The following MRPL1 variants were observed in gnomAD, a reference collection of about 807,000 sequenced individuals.
MRPL1 encodes the protein large ribosomal subunit protein uL1m.
MRPL1 carries 28 observed loss-of-function variants against 38.0 expected under a neutral mutation model. The observed-to-expected ratio is 0.74, with a 90% confidence interval of 0.55 to 1.01. The LOEUF (loss-of-function observed/expected upper bound fraction) is 1.01. MRPL1 is among the 50% of genes least tolerant of loss of function. The probability of loss-of-function intolerance (pLI) is 0.00; values close to 1 mark genes in which losing one functional copy is unlikely to be tolerated. For synonymous variants in MRPL1, 123 were observed against 126.7 expected, an observed-to-expected ratio of 0.97 and a Z score of 0.20; for missense variants, 358 against 389.8, an observed-to-expected ratio of 0.92 and a Z score of 0.69.
At position 77,865,286 on chromosome 4, in the gene MRPL1, A is replaced by G. The variant is rs531078795; in HGVS notation, c.31+2407A>G. Among the ~76,000 whole-genome samples, 9 of 152,230 alleles carry G rather than the reference A, an allele frequency of 5.9e-5. No homozygotes were observed. In the South Asian group the frequency reaches 1.7e-3, roughly 28 times the overall value. ...TCTTATACTCATCTGAGTATTCTAC[A>G]TCTCCACTTTGATAGCATATCAGCA... On this transcript the variant is annotated intron_variant, in intron 1 of 8. Transcript: ENST00000315567.
At chr4:77,876,766 C>T (rs1735405096) in intron 2 of MRPL1, among the ~76,000 whole-genome samples, 1 of 152,180 alleles carries the variant, frequency 6.6e-6, no homozygotes, top group Non-Finnish European at 1.5e-5. Flanking sequence ...TGGCTCTCCC[C>T]TCTACCCTGT....
At chr4:77,909,623 C>T (rs1448871463) in intron 7 of MRPL1, among the ~76,000 whole-genome samples, 2 of 152,080 alleles carry the variant, frequency 1.3e-5, no homozygotes, top group Non-Finnish European at 2.9e-5. Flanking sequence ...CCTTATTTAT[C>T]TGTTGTATGT....
chr4:77,939,087 T>C (rs62302726), intron 7 of MRPL1, among the ~76,000 whole-genome samples: 2,002 of 152,262 alleles, frequency 0.013, 27 homozygotes, highest in Non-Finnish European at 0.023. Flanking sequence ...TTTCCCTTGA[T>C]TCCCCAAAGT....
At chr4:77,871,299 A>C (rs1735273263) in intron 1 of MRPL1, among the ~76,000 whole-genome samples, 1 of 147,076 alleles carries the variant, frequency 6.8e-6, no homozygotes, top group Non-Finnish European at 1.5e-5. Flanking sequence ...TGTGGTTTCT[A>C]TTATTACACT....
intron 2 of MRPL1, among the ~76,000 whole-genome samples, chr4:77,879,031 C>T (rs1735469998): frequency 6.6e-6 from 1 of 152,172 alleles, no homozygotes; most frequent in Admixed American, 6.5e-5. Flanking sequence ...GTAACTGCAG[C>T]TAAGTTCTGT....
At chr4:77,950,132 A>G (rs1737372601) in intron 8 of MRPL1, among the ~76,000 whole-genome samples, 1 of 152,226 alleles carries the variant, frequency 6.6e-6, no homozygotes, top group South Asian at 2.1e-4. Flanking sequence ...ATTACTAATA[A>G]TAGATGTAGC....
At position 77,888,500 on chromosome 4, in the gene MRPL1, C is replaced by T. The variant is rs148625323; in HGVS notation, c.558+1209C>T. 3.3e-5 allele frequency among the ~76,000 whole-genome samples: 5 copies of T among 151,982 alleles called. No homozygotes were observed. In the East Asian group the frequency reaches 9.7e-4, roughly 29 times the overall value. On this transcript the variant is annotated intron_variant, in intron 5 of 8. Transcript: ENST00000315567. ...CCTAGGCAACAGAGCGAGACTCTGT[C>T]TCCAAAAAAATAAATAAATAAAATA...
chr4:77,865,121 C>T (rs1735098951), intron 1 of MRPL1, among the ~76,000 whole-genome samples: 2 of 151,716 alleles, frequency 1.3e-5, no homozygotes, highest in Non-Finnish European at 2.9e-5. Context: ...AACTCCTGAT[C>T]TCAAGTGATC....
intron 7 of MRPL1, among the ~76,000 whole-genome samples, chr4:77,934,950 C>T (rs975103748): frequency 7.2e-5 from 11 of 152,138 alleles, no homozygotes; most frequent in Admixed American, 7.2e-4. Flanking sequence ...TGTATCATTC[C>T]ACTTGTATAA....
Position 77,952,675 on chromosome 4 carries a change from A to C in MRPL1, c.*68A>C. The C allele has an allele frequency of 1.1e-6, 1 of 941,572 alleles. No individual in the cohort carries two copies. 58.3% of individuals were successfully genotyped at this position (941,572 alleles called of 1,614,324 possible). A position where few individuals can be genotyped will look rare whatever the true frequency, so the allele number is the denominator to read the frequency against. On this transcript the variant is annotated 3_prime_UTR_variant, in exon 9 of 9. Transcript: ENST00000315567. Reference sequence around the variant, plus strand: ...ATGGAGAAAATGATAATACAGCATAATTTTTACATTTGATGTCTTGTTATT... The same window carrying C: ...ATGGAGAAAATGATAATACAGCATACTTTTTACATTTGATGTCTTGTTATT...
At chr4:77,877,696 C>G (rs879042620) in intron 2 of MRPL1, among the ~76,000 whole-genome samples, 8 of 151,048 alleles carry the variant, frequency 5.3e-5, no homozygotes, top group Admixed American at 4.6e-4. Context: ...TCCTTCTCTT[C>G]ATGGCACCAC....
At chr4:77,881,253 C>G (rs1735533760) in intron 2 of MRPL1, among the ~76,000 whole-genome samples, 1 of 151,938 alleles carries the variant, frequency 6.6e-6, no homozygotes, top group African/African-American at 2.4e-5. Flanking sequence ...TACAATTGAC[C>G]CATACTCAAA....
intron 5 of MRPL1, among the ~76,000 whole-genome samples, chr4:77,891,192 T>A (rs1735796590): frequency 6.6e-6 from 1 of 151,962 alleles, no homozygotes; most frequent in Non-Finnish European, 1.5e-5. Context: ...TATTAAAAAA[T>A]AATCATCACA....
chr4:77,952,339 A>C (rs769742896), intron 8 of MRPL1, 150 bp from the exon 9 acceptor site: 1 of 634,272 alleles, frequency 1.6e-6, no homozygotes, highest in Admixed American at 3.1e-5. Flanking sequence ...TAATTAGCCT[A>C]CGGTACAATT....
chr4:77,903,366 C>T (rs1326736227), intron 6 of MRPL1, among the ~76,000 whole-genome samples: 7 of 151,998 alleles, frequency 4.6e-5, no homozygotes, highest in African/African-American at 1.7e-4. Context: ...TATGAAAAAG[C>T]AATATTCTTA....
Position 77,950,881 on chromosome 4 carries a change from T to C in MRPL1, c.859+1003T>C, listed in dbSNP as rs59486887. On this transcript the variant is annotated intron_variant, in intron 8 of 8. Transcript: ENST00000315567. The stretch of plus-strand genomic sequence containing the variant: ...TGATTCTCTTTTTGCCATTTTATTT[T>C]AGTTTTTGAGACGGAGTCTCACTCT... Among the ~76,000 whole-genome samples, 68 of 152,338 alleles carry C rather than the reference T, an allele frequency of 4.5e-4. No individual in the cohort carries two copies. In the East Asian group the frequency reaches 0.013, roughly 29 times the overall value.
intron 7 of MRPL1, among the ~76,000 whole-genome samples, chr4:77,912,075 A>T (rs564945316): frequency 3.5e-4 from 53 of 152,338 alleles, no homozygotes; most frequent in African/African-American, 1.3e-3. Flanking sequence ...GCAAACTAGG[A>T]ATAGAAGTCC....
intron 6 of MRPL1, among the ~76,000 whole-genome samples, chr4:77,904,652 A>G (rs1736114270): frequency 6.6e-6 from 1 of 152,248 alleles, no homozygotes; most frequent in African/African-American, 2.4e-5. Flanking sequence ...AGTAATCAAG[A>G]CAGTGTGGTA....
At chr4:77,899,665 G>A (rs1735994956) in intron 6 of MRPL1, among the ~76,000 whole-genome samples, 1 of 151,538 alleles carries the variant, frequency 6.6e-6, no homozygotes, top group Non-Finnish European at 1.5e-5. Flanking sequence ...TGTTTTCCTT[G>A]ATTAAAAAAA....
Sources: allele counts gnomAD v4.1 joint callset (sites outside exome capture counted in the v4.1 genomes callset), GRCh38; gene constraint gnomAD v4.1.1; transcripts MANE v1.5; gene names NCBI Gene and HGNC (gene_info 2026-07-23, HGNC 2026-07-21).